TXNDC5: variants seen among roughly 807,000 people sequenced by gnomAD.
The protein encoded by TXNDC5 is thioredoxin domain containing 5, also known as thioredoxin domain-containing protein 5.
Under a neutral mutation model 52.6 loss-of-function variants are expected in TXNDC5, and 44 were observed. The observed-to-expected ratio is 0.84, with a 90% CI of 0.66 to 1.08. TXNDC5 has a LOEUF of 1.08. TXNDC5 is among the 50% of genes least tolerant of loss of function. The probability of loss-of-function intolerance (pLI) is 0.00; values close to 1 mark genes in which losing one functional copy is unlikely to be tolerated. For missense variants in TXNDC5, 600 were observed against 565.5 expected (o/e 1.06, Z -0.62); for synonymous variants, 241 against 234.4 (o/e 1.03, Z -0.26).
In TXNDC5 at chr6:7,881,542, A is replaced by G. The variant is rs1347407495; in HGVS notation, c.*1602T>C. 6.6e-6 allele frequency: 1 copy of G among 152,426 alleles called. No homozygotes were observed. Among genetic ancestry groups the G allele is most frequent in the Non-Finnish European group, 1.5e-5 (1 of 68,028 alleles). The allele number at this position is 152,426 out of a possible 1,614,324, so 9.4% of individuals were successfully genotyped here. A position where few individuals can be genotyped will look rare whatever the true frequency, so the allele number is the denominator to read the frequency against. On this transcript the variant is annotated 3_prime_UTR_variant, in exon 10 of 10. Transcript: ENST00000379757. Reference sequence around the variant, plus strand: ...TTTTAAAAAAAAAGAGTTTATTTAGAAAGTATCATAGTGTAAACAAACAAA... The same window carrying G: ...TTTTAAAAAAAAAGAGTTTATTTAGGAAGTATCATAGTGTAAACAAACAAA...
intron 7 of TXNDC5, among the ~76,000 whole-genome samples, chr6:7,887,142 C>T (rs913425808): frequency 1.1e-4 from 16 of 152,058 alleles, no homozygotes; most frequent in African/African-American, 3.6e-4. Flanking sequence ...CCCCGACCTA[C>T]AAGAGCCCAA....
intron 6 of TXNDC5, 105 bp downstream of exon 6, chr6:7,889,390 A>G (rs1760116072): frequency 1.1e-6 from 1 of 919,188 alleles, no homozygotes; most frequent in South Asian, 1.7e-5. Context: ...CCAGTGCCCT[A>G]ACAATCAAGA....
intron 4 of TXNDC5, chr6:7,894,649 T>C (rs997672051): frequency 6.9e-6 from 6 of 865,188 alleles, no homozygotes; most frequent in Non-Finnish European, 8.3e-6. Flanking sequence ...TGTACCTTAA[T>C]TAAAAAATAT....
intron 1 of TXNDC5, among the ~76,000 whole-genome samples, chr6:7,904,936 G>A (rs924361763): frequency 1.3e-5 from 2 of 152,184 alleles, no homozygotes; most frequent in African/African-American, 4.8e-5. Context: ...TCTTGGCCTT[G>A]TTCCAGTATT....
chr6:7,882,182 A>C lies in TXNDC5; in HGVS notation c.*962T>G, dbSNP rs150837271. 559 of 152,762 alleles carry C rather than the reference A, an allele frequency of 3.7e-3. No individual in the cohort carries two copies. The highest frequency in any genetic ancestry group is 6.8e-3 in the Middle Eastern group (2 of 294). 9.5% of individuals were successfully genotyped at this position (152,762 alleles called of 1,614,324 possible). ...AAGGACTACTGAGAAACAGAATCAG[A>C]AACTCTAGAACTCTAGTTAGGGCCC... On this transcript the variant is annotated 3_prime_UTR_variant, in exon 10 of 10. Coordinates refer to ENST00000379757, the MANE Select transcript of TXNDC5 (RefSeq NM_030810.5).
At position 7,902,508 on chromosome 6, in the gene TXNDC5, G is replaced by C. The variant is rs538345386; in HGVS notation, c.413+2066C>G. On this transcript the variant is annotated intron_variant, in intron 2 of 9. Coordinates refer to ENST00000379757, the MANE Select transcript of TXNDC5 (RefSeq NM_030810.5). ...CCTGACACATGCCTGGACTCAGGCA[G>C]GTACAGTCGTCACCTGCCTCGGGCC... 1.6e-4 allele frequency among the ~76,000 whole-genome samples: 24 copies of C among 152,290 alleles called. No individual in the cohort carries two copies. In the South Asian group the frequency reaches 3.5e-3, roughly 22 times the overall value.
intron 2 of TXNDC5, among the ~76,000 whole-genome samples, chr6:7,903,783 T>C (rs1760645470): frequency 1.3e-5 from 2 of 152,240 alleles, no homozygotes; most frequent in African/African-American, 4.8e-5. Context: ...TTCTTCTCTT[T>C]TTTGAAGAAC....
At position 7,885,976 on chromosome 6, in the gene TXNDC5, TTGA is replaced by T. The variant is rs779804975; in HGVS notation, c.1028_1030del (p.Ile343del). On this transcript the variant is annotated inframe_deletion, in exon 8 of 10. Coordinates refer to ENST00000379757, the MANE Select transcript of TXNDC5 (RefSeq NM_030810.5). The stretch of plus-strand genomic sequence containing the variant: ...AGCCACTTACCATGGAGCATAAAAC[TTGA>T]TGAAGGTTATTCCTTCTGCAATGGT... 3 of 1,614,114 alleles carry T rather than the reference TTGA, an allele frequency of 1.9e-6. No homozygotes were observed. The highest frequency in any genetic ancestry group is 4.5e-5 in the East Asian group (2 of 44,872).
intron 4 of TXNDC5, 103 bp from the exon 5 acceptor site, chr6:7,891,839 G>C (rs1331166679): frequency 1.3e-6 from 1 of 783,318 alleles, no homozygotes; most frequent in Non-Finnish European, 2.1e-6. Flanking sequence ...GTCCTGCTTA[G>C]CAAATCTTAG....
intron 4 of TXNDC5, among the ~76,000 whole-genome samples, chr6:7,894,118 TTTTG>T (rs1760290674): frequency 6.6e-6 from 1 of 151,952 alleles, no homozygotes; most frequent in Non-Finnish European, 1.5e-5. Flanking sequence ...AAATTCTGGG[TTTTG>T]TTTGGTTGTT....
Position 7,910,637 on chromosome 6 carries a change from T to G in TXNDC5, c.140A>C (p.Asp47Ala). Residue 47 changes from aspartate (D) to alanine (A), a missense_variant, in exon 1 of 10, where the codon GAC (aspartate) becomes GCC (alanine). By Grantham distance (126) the Asp-to-Ala change is moderately radical. Transcript: ENST00000379757. ...RAQEAAAAAA[D>A]GPPAADGEDG... is the part of the protein sequence containing the mutation. The stretch of plus-strand genomic sequence containing the variant: ...CTCGCCGTCTGCCGCGGGGGGCCCG[T>G]CCGCCGCCGCCGCCGCCGCCTCCTG... 5 of 1,234,270 alleles carry G rather than the reference T, an allele frequency of 4.1e-6. No homozygotes were observed. The highest frequency in any genetic ancestry group is 1.0e-4 in the East Asian group (2 of 19,536). The allele number at this position is 1,234,270 out of a possible 1,614,324, so 76.5% of individuals were successfully genotyped here. A position where few individuals can be genotyped will look rare whatever the true frequency, so the allele number is the denominator to read the frequency against.
chr6:7,907,656 T>C (rs1310784392), intron 1 of TXNDC5, among the ~76,000 whole-genome samples: 1 of 151,674 alleles, frequency 6.6e-6, no homozygotes, highest in East Asian at 1.9e-4. Context: ...TGAGGGGGAG[T>C]CCACTGAGTC....
At position 7,904,577 on chromosome 6, in the gene TXNDC5, G is replaced by A. The variant is rs1366418808; in HGVS notation, c.410C>T (p.Pro137Leu). The A allele has an allele frequency of 6.2e-7, 1 of 1,613,922 alleles. No individual in the cohort carries two copies. Among genetic ancestry groups the A allele is most frequent in the Non-Finnish European group, 8.5e-7 (1 of 1,179,952 alleles). Residue 137 changes from proline to leucine, a missense_variant, in exon 2 of 10, where the codon CCC becomes CTC. By Grantham distance (98) the Pro-to-Leu change is moderately conservative. Coordinates refer to ENST00000379757, the MANE Select transcript of TXNDC5 (RefSeq NM_030810.5). ...TGCCCCCTTCCTTCCAACTTACGTG[G>A]GGTATCCTCGCACCCCCTGGGCGGA... Reference protein sequence around the residue: ...VCSAQGVRGYPTLKLFKPGQE... With the variant: ...VCSAQGVRGYLTLKLFKPGQE...
intron 2 of TXNDC5, among the ~76,000 whole-genome samples, chr6:7,901,817 G>A (rs935437724): frequency 1.3e-5 from 2 of 152,226 alleles, no homozygotes; most frequent in Non-Finnish European, 2.9e-5. Context: ...TTGGCAAACA[G>A]CATGATGAAA....
rs1333052559 is a variant in TXNDC5, at chr6:7,891,728, A to G, written c.625T>C (p.Phe209Leu). The G allele has an allele frequency of 1.2e-6, 2 of 1,613,482 alleles. No individual in the cohort carries two copies. The highest frequency in any genetic ancestry group is 1.7e-6 in the Non-Finnish European group (2 of 1,179,562). Reference protein sequence around the residue: ...FELHVAQGDHFIKFFAPWCGH... With the variant: ...FELHVAQGDHLIKFFAPWCGH... ...CACCACGGAGCGAAGAACTTGATAAAGTGGTCGCCTGGAGTGGAGAGCCAA... is the reference window on the plus strand; with the variant it reads ...CACCACGGAGCGAAGAACTTGATAAGGTGGTCGCCTGGAGTGGAGAGCCAA... Residue 209 changes from phenylalanine (F) to leucine (L), a missense_variant, in exon 5 of 10, where the codon TTT becomes CTT. By Grantham distance (22) the Phe-to-Leu change is conservative. Coordinates refer to ENST00000379757, the MANE Select transcript of TXNDC5 (RefSeq NM_030810.5).
At chr6:7,910,227 G>A in intron 1 of TXNDC5, 1 of 895,776 alleles carries the variant, frequency 1.1e-6, no homozygotes, top group Non-Finnish European at 1.3e-6. Context: ...CCAAGCCCTC[G>A]GTCCCCTGCA....
intron 8 of TXNDC5, among the ~76,000 whole-genome samples, chr6:7,885,555 TAAAAG>T (rs975610202): frequency 2.0e-5 from 3 of 152,182 alleles, no homozygotes; most frequent in Admixed American, 6.5e-5. Flanking sequence ...TCCGAGTACT[TAAAAG>T]AACCGAGGAG....
At chr6:7,893,931 C>A (rs1162401645) in intron 4 of TXNDC5, among the ~76,000 whole-genome samples, 1 of 152,108 alleles carries the variant, frequency 6.6e-6, no homozygotes, top group African/African-American at 2.4e-5. Flanking sequence ...GGTGTTGGGC[C>A]AAGTTTTCTG....
Position 7,891,609 on chromosome 6 carries a change from G to T in TXNDC5, c.732+12C>A, listed in dbSNP as rs779387015. The T allele has an allele frequency of 3.7e-6, 6 of 1,608,096 alleles. No individual in the cohort carries two copies. Among genetic ancestry groups the T allele is most frequent in the South Asian group, 3.3e-5 (3 of 90,830 alleles). ...GCAGTCCATTTCCAGTTTAATAAGG[G>T]CTTTCACTCACCTTGCCAATCTTGA... On this transcript the variant is annotated intron_variant, in intron 5 of 9. Transcript: ENST00000379757.
Sources: allele counts gnomAD v4.1 joint callset (sites outside exome capture counted in the v4.1 genomes callset), GRCh38; gene constraint gnomAD v4.1.1; transcripts MANE v1.5; gene names NCBI Gene and HGNC (gene_info 2026-07-23, HGNC 2026-07-21).